Variants in FER1L5 observed in about 807,000 individuals in gnomAD.
FER1L5 encodes fer-1 like family member 5, also known as fer-1-like protein 5.
FER1L5 carries 187 observed loss-of-function variants against 279.9 expected under a neutral mutation model. The observed-to-expected ratio is 0.67, with a 90% CI of 0.59 to 0.75. The LOEUF (loss-of-function observed/expected upper bound fraction) is 0.75, where lower values mean the gene tolerates loss of function less well. Among genes scored for constraint, FER1L5 ranks in the 30% least tolerant of loss-of-function variants. FER1L5 has a pLI of 0.00. For missense variants in FER1L5, 2,091 were observed against 2,594.4 expected, an observed-to-expected ratio of 0.81 and a Z score of 4.21; for synonymous variants, 921 against 989.7, an observed-to-expected ratio of 0.93 and a Z score of 1.30.
At chr2:96,679,416 G>A (rs900294282) in intron 19 of FER1L5, among the ~76,000 whole-genome samples, 1 of 151,966 alleles carries the variant, frequency 6.6e-6, no homozygotes, top group African/African-American at 2.4e-5. Flanking sequence ...TAGAGACGGG[G>A]TTTCACCATG....
At chr2:96,674,762 G>GA (rs2076450923) in intron 19 of FER1L5, among the ~76,000 whole-genome samples, 1 of 152,058 alleles carries the variant, frequency 6.6e-6, no homozygotes, top group African/African-American at 2.4e-5. Flanking sequence ...AGTGAGCCAA[G>GA]ATCGCACCAC....
Position 96,682,155 on chromosome 2 carries a change from C to T in FER1L5, c.1670-2172C>T, listed in dbSNP as rs567380696. Among the ~76,000 whole-genome samples the T allele has an allele frequency of 3.0e-4, 45 of 151,872 alleles. 1 individual carries two copies. Among genetic ancestry groups the T allele is most frequent in the Middle Eastern group, 6.8e-3 (2 of 294 alleles). ...AGGCTGGAGTGCAGTGGTGCAATCTCGGCTCACTGCAACCTGTGCCTCTTG... is the reference window on the plus strand; with the variant it reads ...AGGCTGGAGTGCAGTGGTGCAATCTTGGCTCACTGCAACCTGTGCCTCTTG... On this transcript the variant is annotated intron_variant, in intron 19 of 52. Coordinates refer to ENST00000624922, the MANE Select transcript of FER1L5 (RefSeq NM_001293083.2).
At chr2:96,649,539 AC>A (rs2075279218) in intron 4 of FER1L5, 83 bp from the exon 5 acceptor site, 2 of 1,391,762 alleles carry the variant, frequency 1.4e-6, no homozygotes, top group Non-Finnish European at 2.0e-6. Flanking sequence ...CCAGGTGTGA[AC>A]CCAACCAGGC....
At chr2:96,687,566 C>T (rs1358326834) in intron 23 of FER1L5, among the ~76,000 whole-genome samples, 1 of 152,234 alleles carries the variant, frequency 6.6e-6, no homozygotes, top group Non-Finnish European at 1.5e-5. Context: ...CCATTGTCAA[C>T]ATCCCTGCTA....
intron 9 of FER1L5, among the ~76,000 whole-genome samples, chr2:96,659,290 T>TCC (rs2075732527): frequency 1.2e-5 from 1 of 80,942 alleles, no homozygotes; most frequent in Non-Finnish European, 2.7e-5. Context: ...TTTATCAAGC[T>TCC]TTCCTTCCTT....
rs1396365004 is a variant in FER1L5, at chr2:96,694,183, G to C, written c.3636+111G>C. The C allele has an allele frequency of 2.1e-6, 3 of 1,423,020 alleles. No individual in the cohort carries two copies. Among genetic ancestry groups the C allele is most frequent in the Non-Finnish European group, 2.8e-6 (3 of 1,075,188 alleles). 88.1% of individuals were successfully genotyped at this position (1,423,020 alleles called of 1,614,324 possible). ...CCTGTCAGGAAATGCCTGGGGCCCA[G>C]GATCCCGAGCTGTGGGCTTGGTGAC... On this transcript the variant is annotated intron_variant, in intron 33 of 52. Coordinates refer to ENST00000624922, the MANE Select transcript of FER1L5 (RefSeq NM_001293083.2). The surrounding 1 kb of genome is among the most constrained non-coding windows in gnomAD (Gnocchi z 4.6).
At chr2:96,668,999 C>G in intron 16 of FER1L5, 31 bp downstream of exon 16, 1 of 1,551,734 alleles carries the variant, frequency 6.4e-7, no homozygotes, top group Non-Finnish European at 8.7e-7. Context: ...ACTTCCTACA[C>G]CCCTCGTCCT....
In FER1L5 at chr2:96,702,714, G is replaced by A. The variant is rs778242448; in HGVS notation, c.5370G>A (p.Ala1790=). The change falls in exon 48 of 53, where the codon GCG becomes GCA. Residue 1790 remains alanine, a synonymous_variant. Transcript: ENST00000624922. This position sits in a 1 kb window ranked among gnomAD's most constrained non-coding sequence, Gnocchi z 4.0. The stretch of plus-strand genomic sequence containing the variant: ...TCTTTACCATGGACTACCTGGCGGC[G>A]GAGCGCACGTGTGTCCAGAGCCAGA... ...RFIFTMDYLA[A]ERTCVQSQKD... is the part of the protein sequence containing the mutation. 2.0e-5 allele frequency: 33 copies of A among 1,613,092 alleles called. No individual in the cohort carries two copies. Among genetic ancestry groups the A allele is most frequent in the Non-Finnish European group, 2.5e-5 (29 of 1,179,622 alleles).
Position 96,670,218 on chromosome 2 carries a change from G to T in FER1L5, c.1462G>T (p.Asp488Tyr). Residue 488 changes from aspartate (D) to tyrosine (Y), a missense_variant, in exon 18 of 53, where the codon GAT becomes TAT. Asp to Tyr is a radical substitution (Grantham distance 160). Coordinates refer to ENST00000624922, the MANE Select transcript of FER1L5 (RefSeq NM_001293083.2). Reference protein sequence around the residue: ...IKSYQDSTIKDLSHEVTRIEK... With the variant: ...IKSYQDSTIKYLSHEVTRIEK... The stretch of plus-strand genomic sequence containing the variant: ...GTCCTATCAAGACTCCACGATAAAG[G>T]ATCTCTCCCATGAAGTGACCAGGAT... 1 of 1,551,582 alleles carries T rather than the reference G, an allele frequency of 6.4e-7. No individual in the cohort carries two copies.
chr2:96,649,701 C>T, intron 5 of FER1L5, 24 bp downstream of exon 5: 1 of 1,550,568 alleles, frequency 6.4e-7, no homozygotes, highest in Non-Finnish European at 8.7e-7. Context: ...TGGAGCTTAC[C>T]CTTAAGGGCC....
chr2:96,675,721 C>T (rs545392624), intron 19 of FER1L5, among the ~76,000 whole-genome samples: 1 of 152,160 alleles, frequency 6.6e-6, no homozygotes, highest in Admixed American at 6.5e-5. Flanking sequence ...GACACTGTGC[C>T]CAGCCTATTT....
In FER1L5 at chr2:96,703,017, C is replaced by T. The variant is rs2077648978; in HGVS notation, c.5437C>T (p.Pro1813Ser). The change falls in exon 49 of 53, where the codon CCA (proline) becomes TCA (serine). Residue 1813 changes from proline to serine, a missense_variant. Coordinates refer to ENST00000624922, the MANE Select transcript of FER1L5 (RefSeq NM_001293083.2). ...WSLDATSMKF[P>S]ARLIIQVWDN... ...CCTGGATGCCACGTCCATGAAGTTC[C>T]CAGCCCGACTTATCATCCAGGTCTG... 1.2e-6 allele frequency: 2 copies of T among 1,613,350 alleles called. No individual in the cohort carries two copies. Among genetic ancestry groups the T allele is most frequent in the Non-Finnish European group, 1.7e-6 (2 of 1,179,674 alleles).
intron 9 of FER1L5, among the ~76,000 whole-genome samples, chr2:96,657,968 AAG>A (rs751799684): frequency 3.4e-4 from 52 of 152,176 alleles, no homozygotes; most frequent in Non-Finnish European, 2.2e-4. Flanking sequence ...AAATATGTAG[AAG>A]CAGAATGACT....
chr2:96,658,677 T>G (rs1254102191), intron 9 of FER1L5, among the ~76,000 whole-genome samples: 1 of 152,148 alleles, frequency 6.6e-6, no homozygotes, highest in African/African-American at 2.4e-5. Context: ...TTCTCCACAA[T>G]ACTTGATCTA....
At position 96,654,515 on chromosome 2, in the gene FER1L5, A is replaced by C. The variant is rs958645838; in HGVS notation, c.747+19A>C. On this transcript the variant is annotated intron_variant, in intron 9 of 52. Coordinates refer to ENST00000624922, the MANE Select transcript of FER1L5 (RefSeq NM_001293083.2). The stretch of plus-strand genomic sequence containing the variant: ...ATTTCAAGTGAGTACTGTACATGGG[A>C]GGAGGTTCAGTGAAACAGTTATTAA... 12 of 398,838 alleles carry C rather than the reference A, an allele frequency of 3.0e-5. No individual in the cohort carries two copies. In the Admixed American group the frequency reaches 4.0e-4, roughly 13 times the overall value. The allele number at this position is 398,838 out of a possible 1,614,324, so 24.7% of individuals were successfully genotyped here. A position where few individuals can be genotyped will look rare whatever the true frequency, so the allele number is the denominator to read the frequency against.
chr2:96,695,905 G>A lies in FER1L5; in HGVS notation c.4057+1G>A. On this transcript the variant is annotated splice_donor_variant, in intron 36 of 52. Coordinates refer to ENST00000624922, the MANE Select transcript of FER1L5 (RefSeq NM_001293083.2). LOFTEE classifies it high-confidence loss of function. ...GACTATATGCACCCAAAGCTTCCAA[G>A]TACGGCCCTTCCTCCGTGCCTTTCC... 1.2e-6 allele frequency: 2 copies of A among 1,613,346 alleles called. No homozygotes were observed. The highest frequency in any genetic ancestry group is 1.1e-5 in the South Asian group (1 of 90,936).
At chr2:96,648,841 A>G (rs927877635) in intron 4 of FER1L5, among the ~76,000 whole-genome samples, 1 of 152,200 alleles carries the variant, frequency 6.6e-6, no homozygotes. Flanking sequence ...GACACACAAT[A>G]TTGTTGACTT....
intron 6 of FER1L5, among the ~76,000 whole-genome samples, chr2:96,651,652 C>T (rs948523935): frequency 6.6e-6 from 1 of 152,020 alleles, no homozygotes; most frequent in African/African-American, 2.4e-5. Flanking sequence ...AGGCATGCAC[C>T]ACCAAGCTCA....
Position 96,702,120 on chromosome 2 carries a change from G to A in FER1L5, c.5159+77G>A. 1.3e-6 allele frequency: 2 copies of A among 1,577,398 alleles called. 1 individual carries two copies. The highest frequency in any genetic ancestry group is 2.2e-5 in the South Asian group (2 of 88,934). On this transcript the variant is annotated intron_variant, in intron 46 of 52. Transcript: ENST00000624922. The surrounding 1 kb of genome is among the most constrained non-coding windows in gnomAD (Gnocchi z 4.0). The stretch of plus-strand genomic sequence containing the variant: ...CCAGTGCAGGGCACCACTGTCCTCA[G>A]GTACTGAGCTGCAGTAATTCGTTTC...
Sources: gnomAD v4.1 joint callset for allele counts (sites outside exome capture counted in the v4.1 genomes callset) on GRCh38, gnomAD v4.1.1 for gene constraint, Gnocchi (gnomAD v3.1) non-coding constraint, MANE v1.5 for transcripts, NCBI Gene and HGNC (gene_info 2026-07-23, HGNC 2026-07-21) for gene names.